The following UGT1A8 variants were observed in gnomAD, a reference collection of about 807,000 sequenced individuals.
UGT1A8 encodes the protein UDP-glucuronosyltransferase 1A8.
In UGT1A8, 39 loss-of-function variants were observed where a neutral mutation model predicts 45.3. The observed-to-expected ratio is 0.86, with a 90% CI of 0.67 to 1.12. The LOEUF (loss-of-function observed/expected upper bound fraction) is 1.12, where lower values mean the gene tolerates loss of function less well. UGT1A8 is among the 50% of genes most tolerant of loss of function. The probability of loss-of-function intolerance (pLI) is 0.00; values close to 1 mark genes in which losing one functional copy is unlikely to be tolerated. For missense variants in UGT1A8, 719 were observed against 664.9 expected (o/e 1.08, Z -0.90); for synonymous variants, 275 against 249.2 (o/e 1.10, Z -0.97).
intron 1 of UGT1A8, among the ~76,000 whole-genome samples, chr2:233,723,457 G>T (rs1279798549): frequency 7.3e-6 from 1 of 136,216 alleles, no homozygotes; most frequent in African/African-American, 2.9e-5. Flanking sequence ...TGATCCACCC[G>T]CCTCAGCCTC....
intron 1 of UGT1A8, among the ~76,000 whole-genome samples, chr2:233,647,420 A>G (rs2073633653): frequency 6.6e-6 from 1 of 152,208 alleles, no homozygotes; most frequent in Admixed American, 6.5e-5. Flanking sequence ...AGGGCATTTC[A>G]CATCCTTCTG....
At chr2:233,722,949 G>C (rs2077051910) in intron 1 of UGT1A8, among the ~76,000 whole-genome samples, 2 of 134,510 alleles carry the variant, frequency 1.5e-5, no homozygotes, top group South Asian at 5.6e-4. Flanking sequence ...AGTGGGCTGA[G>C]GAGGAGGAGG....
rs45470199 is a variant in UGT1A8, at chr2:233,713,204, A to G, written c.856-53830A>G. The G allele has an allele frequency of 2.1e-3, 3,394 of 1,614,240 alleles. 62 individuals are homozygous for G. In the African/African-American group the frequency reaches 0.04, roughly 19 times the overall value. Reference sequence around the variant, plus strand: ...TGGAGGTGAATATGTACATCAAAGAAGAGAACTTTTTCACCCTGACAACGT... The same window carrying G: ...TGGAGGTGAATATGTACATCAAAGAGGAGAACTTTTTCACCCTGACAACGT... On this transcript the variant is annotated intron_variant, in intron 1 of 4. Transcript: ENST00000373450.
chr2:233,713,501 G>T (rs771192795), intron 1 of UGT1A8: 2 of 1,613,952 alleles, frequency 1.2e-6, no homozygotes, highest in African/African-American at 2.7e-5. Flanking sequence ...TTCCTGCTGT[G>T]TTTTTCTTGA....
At chr2:233,754,911 T>G (rs1467040876) in intron 1 of UGT1A8, 5 of 1,353,490 alleles carry the variant, frequency 3.7e-6, no homozygotes, top group Non-Finnish European at 5.0e-6. Flanking sequence ...CAAAATATTC[T>G]CCAGCGGGTT....
At chr2:233,688,312 T>C (rs1389138733) in intron 1 of UGT1A8, among the ~76,000 whole-genome samples, 1 of 152,236 alleles carries the variant, frequency 6.6e-6, no homozygotes, top group African/African-American at 2.4e-5. Context: ...CATTCATCAG[T>C]TGGTGGACAT....
In UGT1A8 at chr2:233,772,878, G is replaced by T; in HGVS notation, c.*319G>T. 3.5e-6 allele frequency: 2 copies of T among 577,672 alleles called. No individual in the cohort carries two copies. The highest frequency in any genetic ancestry group is 5.2e-5 in the East Asian group (1 of 19,352). The allele number at this position is 577,672 out of a possible 1,614,324, so 35.8% of individuals were successfully genotyped here. A position where few individuals can be genotyped will look rare whatever the true frequency, so the allele number is the denominator to read the frequency against. Reference sequence around the variant, plus strand: ...GAAACATGGCCTGTTTGGGAGTGCGGGATTCAAAGGTGGTCCCACGGCTGC... The same window carrying T: ...GAAACATGGCCTGTTTGGGAGTGCGTGATTCAAAGGTGGTCCCACGGCTGC... On this transcript the variant is annotated 3_prime_UTR_variant, in exon 5 of 5. Transcript: ENST00000373450.
In UGT1A8 at chr2:233,734,493, T is replaced by C. The variant is rs572149400; in HGVS notation, c.856-32541T>C. On this transcript the variant is annotated intron_variant, in intron 1 of 4. Coordinates refer to ENST00000373450, the MANE Select transcript of UGT1A8 (RefSeq NM_019076.5). ...TGGATTCATTGATTTTTTTGAAGGT[T>C]TTTTTGTGTCTCTATCTCTTTCAGT... Among the ~76,000 whole-genome samples the C allele has an allele frequency of 7.2e-5, 11 of 152,330 alleles. 1 individual carries two copies. In the South Asian group the frequency reaches 1.2e-3, roughly 17 times the overall value.
At chr2:233,693,927 A>T in intron 1 of UGT1A8, 1 of 1,608,872 alleles carries the variant, frequency 6.2e-7, no homozygotes, top group East Asian at 2.2e-5. Flanking sequence ...TCCCTCACTC[A>T]TTTGGCTCCT....
chr2:233,679,877 C>G (rs2074465039), intron 1 of UGT1A8, among the ~76,000 whole-genome samples: 1 of 152,124 alleles, frequency 6.6e-6, no homozygotes, highest in South Asian at 2.1e-4. Flanking sequence ...TTTCTTATAG[C>G]AATCCTACAC....
intron 1 of UGT1A8, chr2:233,718,041 G>A (rs2076623954): frequency 2.7e-6 from 1 of 376,114 alleles, no homozygotes; most frequent in African/African-American, 2.1e-5. Flanking sequence ...TGGTGAGCAG[G>A]AGCTCCCTGA....
At chr2:233,712,069 T>A (rs1263403804) in intron 1 of UGT1A8, among the ~76,000 whole-genome samples, 1 of 152,192 alleles carries the variant, frequency 6.6e-6, no homozygotes, top group Non-Finnish European at 1.5e-5. Flanking sequence ...ATCTTCAGGA[T>A]GAAATAAAGG....
chr2:233,658,340 G>A (rs1315561003), intron 1 of UGT1A8, among the ~76,000 whole-genome samples: 2 of 152,032 alleles, frequency 1.3e-5, no homozygotes, highest in African/African-American at 2.4e-5. Context: ...TAAATGTTAC[G>A]TTACTATAGC....
intron 1 of UGT1A8, among the ~76,000 whole-genome samples, chr2:233,744,543 A>T (rs946291189): frequency 4.6e-5 from 7 of 152,050 alleles, no homozygotes; most frequent in East Asian, 1.9e-4. Flanking sequence ...TGTAAATTTT[A>T]TTAAGACAAA....
intron 1 of UGT1A8, among the ~76,000 whole-genome samples, chr2:233,680,159 T>C (rs2074477014): frequency 6.6e-6 from 1 of 152,226 alleles, no homozygotes. Flanking sequence ...GGTAATGTCA[T>C]GATTTTTCTT....
chr2:233,633,477 C>CA (rs796228523), intron 1 of UGT1A8, among the ~76,000 whole-genome samples: 2 of 152,304 alleles, frequency 1.3e-5, no homozygotes, highest in African/African-American at 4.8e-5. Context: ...ATTACTGCCT[C>CA]AATTTCAAAA....
chr2:233,701,815 T>A (rs569445521), intron 1 of UGT1A8, among the ~76,000 whole-genome samples: 1 of 152,092 alleles, frequency 6.6e-6, no homozygotes, highest in African/African-American at 2.4e-5. Context: ...AGACACAACA[T>A]ACCAGAATCT....
chr2:233,723,050 G>T (rs1208688068), intron 1 of UGT1A8, among the ~76,000 whole-genome samples: 1 of 140,678 alleles, frequency 7.1e-6, no homozygotes, highest in African/African-American at 2.7e-5. Flanking sequence ...AGGCACACTC[G>T]GTGTAACTTT....
At chr2:233,620,511 A>T (rs981318434) in intron 1 of UGT1A8, among the ~76,000 whole-genome samples, 1 of 152,192 alleles carries the variant, frequency 6.6e-6, no homozygotes, top group African/African-American at 2.4e-5. Flanking sequence ...CGATAGGGAG[A>T]TATCCATAAA....
Sources: gnomAD v4.1 joint callset for allele counts (sites outside exome capture counted in the v4.1 genomes callset) on GRCh38, gnomAD v4.1.1 for gene constraint, MANE v1.5 for transcripts, NCBI Gene and HGNC (gene_info 2026-07-23, HGNC 2026-07-21) for gene names.